The following CLASRP variants were observed in gnomAD, a reference collection of about 807,000 sequenced individuals.
CLASRP encodes the protein CLK4-associating serine/arginine rich protein.
In CLASRP, 52 loss-of-function variants were observed where a neutral mutation model predicts 99.9. The ratio of observed to expected loss-of-function variants is 0.52; its 90% CI spans 0.42 to 0.66. The LOEUF is 0.66. Ranked by LOEUF, CLASRP falls within the 30% of genes least tolerant of loss-of-function variation. The probability of loss-of-function intolerance (pLI) is 0.00; values close to 1 mark genes in which losing one functional copy is unlikely to be tolerated. For synonymous variants in CLASRP, 379 were observed against 373.0 expected (o/e 1.02, Z -0.18); for missense variants, 848 against 999.2 (o/e 0.85, Z 2.04).
chr19:45,068,055 G>A lies in CLASRP; in HGVS notation c.1707+1G>A. The A allele has an allele frequency of 6.2e-7, 1 of 1,613,822 alleles. No individual in the cohort carries two copies. The highest frequency in any genetic ancestry group is 8.5e-7 in the Non-Finnish European group (1 of 1,179,728). On this transcript the variant is annotated splice_donor_variant, in intron 15 of 20. Coordinates refer to ENST00000221455, the MANE Select transcript of CLASRP (RefSeq NM_007056.3). LOFTEE classifies it high-confidence loss of function. ...TGGTAAAGAGACAGGAGCTGCCAAAGTCAGTAAGAATTTGGAACTCGCCCG... is the reference window on the plus strand; with the variant it reads ...TGGTAAAGAGACAGGAGCTGCCAAAATCAGTAAGAATTTGGAACTCGCCCG...
intron 2 of CLASRP, among the ~76,000 whole-genome samples, chr19:45,051,249 G>A (rs1005368169): frequency 6.6e-6 from 1 of 152,050 alleles, no homozygotes; most frequent in Non-Finnish European, 1.5e-5. Context: ...CGAGGTCTTC[G>A]TACTGGCTAT....
intron 15 of CLASRP, 109 bp from the exon 16 acceptor site, chr19:45,068,311 T>TG: frequency 3.7e-5 from 20 of 543,576 alleles, no homozygotes; most frequent in Middle Eastern, 4.9e-4. Context: ...CACGTCGTTC[T>TG]CCCCCCCCCA....
In CLASRP at chr19:45,056,696, C is replaced by T. The variant is rs376762748; in HGVS notation, c.464+162C>T. ...ATTAATAACTGTGTAGAGGAAGAAG[C>T]CCTGTCAGGGGGCCCCGGCTTGCCG... On this transcript the variant is annotated intron_variant, in intron 6 of 20. Transcript: ENST00000221455. Among the ~76,000 whole-genome samples the T allele has an allele frequency of 7.0e-4, 106 of 152,286 alleles. 2 individuals are homozygous for T. The South Asian group carries it at 0.02, about 29-fold the overall frequency.
In CLASRP at chr19:45,053,120, G is replaced by A. The variant is rs1203081459; in HGVS notation, c.322G>A (p.Glu108Lys). ...TTISPEQESD[E>K]RKCNYERYRG... ...AAGCTCCCCAGAACAGGAGTCGGACGAACGGAAGTGTAACTACGAGCGCTA... is the reference window on the plus strand; with the variant it reads ...AAGCTCCCCAGAACAGGAGTCGGACAAACGGAAGTGTAACTACGAGCGCTA... The change falls in exon 5 of 21, where the codon GAA (glutamate) becomes AAA (lysine). Residue 108 changes from glutamate to lysine, a missense_variant. Coordinates refer to ENST00000221455, the MANE Select transcript of CLASRP (RefSeq NM_007056.3). 4 of 1,614,040 alleles carry A rather than the reference G, an allele frequency of 2.5e-6. No individual in the cohort carries two copies. The highest frequency in any genetic ancestry group is 1.1e-5 in the South Asian group (1 of 91,074).
intron 2 of CLASRP, among the ~76,000 whole-genome samples, chr19:45,048,100 T>G (rs1376113624): frequency 1.3e-5 from 2 of 151,502 alleles, no homozygotes; most frequent in African/African-American, 2.4e-5. Flanking sequence ...AAAAAATTAC[T>G]CTTAAAAAGC....
In CLASRP at chr19:45,061,252, C is replaced by T. The variant is rs1745785666; in HGVS notation, c.863+625C>T. On this transcript the variant is annotated intron_variant, in intron 10 of 20. Transcript: ENST00000221455. ...AGGCTTAAACAACTTGTAGGTTCAG[C>T]GGTTGGTATCGGAAACATTCCTTAA... 2.0e-5 allele frequency among the ~76,000 whole-genome samples: 3 copies of T among 152,246 alleles called. No individual in the cohort carries two copies. The South Asian group carries it at 6.2e-4, about 32-fold the overall frequency.
At position 45,057,811 on chromosome 19, in the gene CLASRP, G is replaced by A. The variant is rs1016597578; in HGVS notation, c.526G>A (p.Glu176Lys). ...CGAGGACAGCACGGTGGCCGAGGTA[G>A]AGAAGGCGGCAGAAAAGCCAGAGGA... is the stretch of plus-strand genomic sequence containing the variant. ...TYEDSTVAEV[E>K]KAAEKPEEEE... Residue 176 changes from glutamate (E) to lysine (K), a missense_variant, in exon 7 of 21, where the codon GAG (glutamate) becomes AAG (lysine). Glu to Lys is a moderately conservative substitution (Grantham distance 56). This residue lies in a region of CLASRP where 119 missense variants were observed against 170.2 expected (regional missense o/e 0.70). Transcript: ENST00000221455. 1.9e-6 allele frequency: 3 copies of A among 1,613,976 alleles called. No individual in the cohort carries two copies. Among genetic ancestry groups the A allele is most frequent in the African/African-American group, 1.3e-5 (1 of 74,904 alleles).
In CLASRP at chr19:45,059,248, C is replaced by T. The variant is rs1206011488; in HGVS notation, c.614-20C>T. ...CCTCTCGCTCGGCCGTGGCTCCTGA[C>T]AGCCTTTCTCTTGGTGCAGACGTGG... On this transcript the variant is annotated intron_variant, in intron 7 of 20. Coordinates refer to ENST00000221455, the MANE Select transcript of CLASRP (RefSeq NM_007056.3). 1.9e-6 allele frequency: 3 copies of T among 1,600,096 alleles called. No homozygotes were observed. Among genetic ancestry groups the T allele is most frequent in the Non-Finnish European group, 8.5e-7 (1 of 1,172,388 alleles).
At chr19:45,061,682 C>G (rs1966942900) in intron 10 of CLASRP, among the ~76,000 whole-genome samples, 1 of 152,050 alleles carries the variant, frequency 6.6e-6, no homozygotes, top group African/African-American at 2.4e-5. Flanking sequence ...CGGTGTTGCC[C>G]AGGCTGGTCT....
At chr19:45,040,783 G>T (rs1314804987) in intron 2 of CLASRP, 1 of 160,288 alleles carries the variant, frequency 6.2e-6, no homozygotes, top group East Asian at 1.7e-4. Context: ...GGCCAAAAGG[G>T]TGAAACCCCA....
chr19:45,061,068 C>A (rs1966928512), intron 10 of CLASRP, among the ~76,000 whole-genome samples: 1 of 152,168 alleles, frequency 6.6e-6, no homozygotes, highest in South Asian at 2.1e-4. Context: ...GAGGGCTGGG[C>A]AGTCCCCACA....
chr19:45,058,885 C>G (rs1972171561), intron 7 of CLASRP, among the ~76,000 whole-genome samples: 2 of 151,952 alleles, frequency 1.3e-5, no homozygotes, highest in Non-Finnish European at 1.5e-5. Context: ...ACGCCTCACT[C>G]ATCCATTCCT....
chr19:45,050,340 A>G (rs556753275), intron 2 of CLASRP, among the ~76,000 whole-genome samples: 15 of 152,190 alleles, frequency 9.9e-5, no homozygotes, highest in Non-Finnish European at 1.5e-4. Context: ...TCAGAACCAC[A>G]AGATACCACT....
rs1966921087 is a variant in CLASRP at position 45,060,742 on chromosome 19, T to C, written c.863+115T>C. On this transcript the variant is annotated intron_variant, in intron 10 of 20. Transcript: ENST00000221455. The surrounding 1 kb of genome is among the most constrained non-coding windows in gnomAD (Gnocchi z 4.6). ...ATTTGACTTGAGAAAGGAGTCTTTC[T>C]AGTGGGGCGATGCATGGCCATCGTG... 1.2e-6 allele frequency: 1 copy of C among 813,944 alleles called. No individual in the cohort carries two copies. 50.4% of individuals were successfully genotyped at this position (813,944 alleles called of 1,614,324 possible).
rs367605480 is a variant in CLASRP at position 45,068,008 on chromosome 19, C to G, written c.1668-7C>G. On this transcript the variant is annotated splice_region_variant and splice_polypyrimidine_tract_variant and intron_variant, in intron 14 of 20. Coordinates refer to ENST00000221455, the MANE Select transcript of CLASRP (RefSeq NM_007056.3). ...CAACCATGTCCTCTGGCCCTGCCCC[C>G]ACCCAGGACCGAACCTGCCGCTGGT... 56 of 1,611,132 alleles carry G rather than the reference C, an allele frequency of 3.5e-5. No individual in the cohort carries two copies. The highest frequency in any genetic ancestry group is 9.3e-5 in the African/African-American group (7 of 74,872).
chr19:45,053,786 C>T (rs879512610), intron 5 of CLASRP, among the ~76,000 whole-genome samples: 16 of 152,164 alleles, frequency 1.1e-4, no homozygotes, highest in Non-Finnish European at 1.9e-4. Flanking sequence ...GCCAAGAATA[C>T]GTTTTTAAAA....
At position 45,064,456 on chromosome 19, in the gene CLASRP, G is replaced by A; in HGVS notation, c.1235G>A (p.Gly412Asp). The A allele has an allele frequency of 6.5e-7, 1 of 1,528,700 alleles. No homozygotes were observed. Among genetic ancestry groups the A allele is most frequent in the Non-Finnish European group, 8.8e-7 (1 of 1,140,200 alleles). 94.7% of individuals were successfully genotyped at this position (1,528,700 alleles called of 1,614,324 possible). Residue 412 changes from glycine (G) to aspartate (D), a missense_variant, in exon 13 of 21, where the codon GGC becomes GAC. Gly to Asp is a moderately conservative substitution (Grantham distance 94, BLOSUM62 -1). Coordinates refer to ENST00000221455, the MANE Select transcript of CLASRP (RefSeq NM_007056.3). ...CGTGGTGGGGGCTACTACCGTTCCG[G>A]CCGCCACGCCCGCTCCCGGTCCCGC... ...SRRGGGYYRSGRHARSRSRSW... is the reference protein window; with the variant it reads ...SRRGGGYYRSDRHARSRSRSW...
chr19:45,064,689 G>A, intron 13 of CLASRP, 59 bp downstream of exon 13: 2 of 1,480,292 alleles, frequency 1.4e-6, no homozygotes, highest in Non-Finnish European at 1.8e-6. Flanking sequence ...TCCGATCCTG[G>A]GGAGAAGGTG....
chr19:45,052,195 G>A (rs1345193601), intron 3 of CLASRP, 27 bp downstream of exon 3: 1 of 1,600,314 alleles, frequency 6.2e-7, no homozygotes. Context: ...AGGCAGGGGA[G>A]TGTCTGAAGT....
Sources: gnomAD v4.1 joint callset for allele counts (sites outside exome capture counted in the v4.1 genomes callset) on GRCh38, gnomAD v4.1.1 for gene constraint, gnomAD v4.1.1 regional missense constraint, Gnocchi (gnomAD v3.1) non-coding constraint, MANE v1.5 for transcripts, NCBI Gene and HGNC (gene_info 2026-07-23, HGNC 2026-07-21) for gene names.